PALLD: variants seen among roughly 807,000 people sequenced by gnomAD.
PALLD encodes the protein palladin, cytoskeletal associated protein.
Under a neutral mutation model 123.5 loss-of-function variants are expected in PALLD, and 61 were observed. The observed-to-expected ratio is 0.49, with a 90% CI of 0.40 to 0.61. PALLD has a LOEUF of 0.61. PALLD is among the 20% of genes least tolerant of loss of function. The probability of loss-of-function intolerance (pLI) is 0.00; values close to 1 mark genes in which losing one functional copy is unlikely to be tolerated. For missense variants in PALLD, 1,273 were observed against 1,377.0 expected, an observed-to-expected ratio of 0.92 and a Z score of 1.20; for synonymous variants, 465 against 496.4, an observed-to-expected ratio of 0.94 and a Z score of 0.84.
intron 10 of PALLD, among the ~76,000 whole-genome samples, chr4:168,850,696 T>C (rs1747646823): frequency 6.6e-6 from 1 of 151,894 alleles, no homozygotes; most frequent in South Asian, 2.1e-4. Flanking sequence ...CACACCTGGC[T>C]AATTTTTTTA....
At chr4:168,875,156 G>A (rs1055554870) in intron 10 of PALLD, among the ~76,000 whole-genome samples, 2 of 151,264 alleles carry the variant, frequency 1.3e-5, no homozygotes, top group Non-Finnish European at 2.9e-5. Context: ...GAAATACATA[G>A]TATTTCCAAA....
At chr4:168,672,552 G>C (rs1032525680) in intron 3 of PALLD, among the ~76,000 whole-genome samples, 1 of 151,798 alleles carries the variant, frequency 6.6e-6, no homozygotes, top group Non-Finnish European at 1.5e-5. Flanking sequence ...TCTGCCTTCC[G>C]GGTTCACGCC....
intron 10 of PALLD, among the ~76,000 whole-genome samples, chr4:168,795,362 A>T (rs1226444607): frequency 6.6e-6 from 1 of 152,244 alleles, no homozygotes; most frequent in South Asian, 2.1e-4. Context: ...AAAAAAGAAT[A>T]GAAAAATCAA....
At chr4:168,722,077 C>A (rs1335139707) in intron 10 of PALLD, among the ~76,000 whole-genome samples, 1 of 152,182 alleles carries the variant, frequency 6.6e-6, no homozygotes, top group East Asian at 1.9e-4. Context: ...CAGGGTCTCA[C>A]TCTGCCACCC....
chr4:168,534,717 T>C (rs954152380), intron 2 of PALLD, among the ~76,000 whole-genome samples: 6 of 152,198 alleles, frequency 3.9e-5, no homozygotes, highest in African/African-American at 1.4e-4. Flanking sequence ...CATACTGACA[T>C]CTTTTCAACC....
intron 10 of PALLD, among the ~76,000 whole-genome samples, chr4:168,764,995 T>C (rs1205642729): frequency 6.6e-6 from 1 of 152,144 alleles, no homozygotes; most frequent in Non-Finnish European, 1.5e-5. Flanking sequence ...ATATCCAATA[T>C]AAACAGGAAA....
chr4:168,536,980 A>G (rs1411749289), intron 2 of PALLD, among the ~76,000 whole-genome samples: 1 of 152,028 alleles, frequency 6.6e-6, no homozygotes, highest in African/African-American at 2.4e-5. Flanking sequence ...GGCGCCTGCC[A>G]CCACGCCCGG....
At chr4:168,509,464 T>A (rs17054268) in intron 1 of PALLD, among the ~76,000 whole-genome samples, 2 of 152,010 alleles carry the variant, frequency 1.3e-5, no homozygotes, top group Admixed American at 1.3e-4. Context: ...CTGTTTCTCA[T>A]GAAGAAAATA....
chr4:168,876,103 G>A (rs1751707733), intron 10 of PALLD, among the ~76,000 whole-genome samples: 3 of 152,212 alleles, frequency 2.0e-5, no homozygotes, highest in African/African-American at 7.2e-5. Flanking sequence ...TCAGCTGAAG[G>A]GTGTGGAAGA....
intron 2 of PALLD, among the ~76,000 whole-genome samples, chr4:168,577,348 C>T (rs759598990): frequency 1.3e-5 from 2 of 152,044 alleles, no homozygotes; most frequent in African/African-American, 2.4e-5. Context: ...TTATGGTTTG[C>T]CCACAAGGAC....
chr4:168,708,166 A>G (rs568200063), intron 8 of PALLD, among the ~76,000 whole-genome samples: 18 of 152,324 alleles, frequency 1.2e-4, no homozygotes, highest in African/African-American at 4.3e-4. Flanking sequence ...ATAAACTTAC[A>G]TAACTCATAA....
intron 10 of PALLD, among the ~76,000 whole-genome samples, chr4:168,803,373 A>G (rs987036221): frequency 2.6e-5 from 4 of 152,184 alleles, no homozygotes; most frequent in African/African-American, 9.7e-5. Flanking sequence ...AGCAAGGAGG[A>G]TACGTACTTG....
intron 8 of PALLD, among the ~76,000 whole-genome samples, 182 bp downstream of exon 8, chr4:168,691,474 C>A (rs1401794070): frequency 1.3e-5 from 2 of 152,130 alleles, no homozygotes; most frequent in Non-Finnish European, 1.5e-5. Context: ...CTGTACACTG[C>A]ATTTTACATC....
intron 10 of PALLD, among the ~76,000 whole-genome samples, chr4:168,806,762 CA>C (rs1740262868): frequency 1.3e-5 from 2 of 151,990 alleles, no homozygotes; most frequent in Non-Finnish European, 2.9e-5. Flanking sequence ...TCCTTTTTAT[CA>C]AGCAGTAGTT....
chr4:168,690,214 C>T (rs1782486882), intron 6 of PALLD, among the ~76,000 whole-genome samples: 1 of 152,170 alleles, frequency 6.6e-6, no homozygotes, highest in Admixed American at 6.5e-5. Context: ...TAAGAATCTA[C>T]TTTTATTTAG....
chr4:168,783,869 G>A (rs1050012473), intron 10 of PALLD, among the ~76,000 whole-genome samples: 10 of 152,144 alleles, frequency 6.6e-5, no homozygotes, highest in Admixed American at 2.0e-4. Flanking sequence ...ACTACCTTCA[G>A]GACAATAGCC....
chr4:168,616,061 A>T (rs1774196995), intron 2 of PALLD, among the ~76,000 whole-genome samples: 1 of 151,750 alleles, frequency 6.6e-6, no homozygotes, highest in African/African-American at 2.4e-5. Flanking sequence ...TGTTTTACAT[A>T]CTCCTTTTGG....
At chr4:168,860,012 GACTA>G (rs1749209761) in intron 10 of PALLD, among the ~76,000 whole-genome samples, 1 of 152,054 alleles carries the variant, frequency 6.6e-6, no homozygotes, top group Non-Finnish European at 1.5e-5. Context: ...TCTCAATTCT[GACTA>G]ACCACTGTTC....
At chr4:168,860,144 T>C (rs1199443058) in intron 10 of PALLD, among the ~76,000 whole-genome samples, 2 of 152,176 alleles carry the variant, frequency 1.3e-5, no homozygotes, top group Non-Finnish European at 2.9e-5. Context: ...GCAGAATTGA[T>C]GATAATTACT....
Sources: gnomAD v4.1 joint callset for allele counts (sites outside exome capture counted in the v4.1 genomes callset) on GRCh38, gnomAD v4.1.1 for gene constraint, MANE v1.5 for transcripts, NCBI Gene and HGNC (gene_info 2026-07-23, HGNC 2026-07-21) for gene names.